The following PXT1 variants were observed in gnomAD, a reference collection of about 807,000 sequenced individuals.
PXT1 encodes peroxisomal testis-specific protein 1.
In PXT1, 11 loss-of-function variants were observed where a neutral mutation model predicts 11.0. That is an observed-to-expected ratio of 1.00 (90% CI 0.63 to 1.66). The LOEUF (loss-of-function observed/expected upper bound fraction) is 1.66, where lower values mean the gene tolerates loss of function less well. Among genes scored for constraint, PXT1 ranks in the 40% most tolerant of loss-of-function variants. The pLI is 0.00. For synonymous variants in PXT1, 43 were observed against 51.4 expected (o/e 0.84, Z 0.70); for missense variants, 141 against 155.5 (o/e 0.91, Z 0.49).
intron 2 of PXT1, among the ~76,000 whole-genome samples, chr6:36,434,394 T>C (rs184951617): frequency 2.6e-5 from 4 of 152,312 alleles, no homozygotes; most frequent in Admixed American, 2.6e-4. Flanking sequence ...CAACTTTTTA[T>C]GTTTGAAATT....
At chr6:36,396,436 G>A (rs939326585) in intron 4 of PXT1, among the ~76,000 whole-genome samples, 2 of 152,234 alleles carry the variant, frequency 1.3e-5, no homozygotes, top group African/African-American at 4.8e-5. Flanking sequence ...GCTCAGGGGT[G>A]TCTGCTGCCA....
rs1157006026 is a variant in PXT1, at chr6:36,438,834, T to G, written c.-77A>C. The G allele has an allele frequency of 6.6e-6, 1 of 152,244 alleles. No individual in the cohort carries two copies. The highest frequency in any genetic ancestry group is 1.5e-5 in the Non-Finnish European group (1 of 68,044). 9.4% of individuals were successfully genotyped at this position (152,244 alleles called of 1,614,324 possible). A position where few individuals can be genotyped will look rare whatever the true frequency, so the allele number is the denominator to read the frequency against. On this transcript the variant is annotated 5_prime_UTR_variant, in exon 2 of 5. Coordinates refer to ENST00000454782, the MANE Select transcript of PXT1 (RefSeq NM_152990.4). ...TGCTTGAGTTAATAAATTGCAAAGTTTCCCTCTTTTGTTTGCTTTGTTTTC... is the reference window on the plus strand; with the variant it reads ...TGCTTGAGTTAATAAATTGCAAAGTGTCCCTCTTTTGTTTGCTTTGTTTTC...
chr6:36,423,886 ACT>A (rs1774562685), intron 3 of PXT1, among the ~76,000 whole-genome samples: 1 of 152,124 alleles, frequency 6.6e-6, no homozygotes, highest in South Asian at 2.1e-4. Context: ...TTGACATATA[ACT>A]CGCGTATGGT....
chr6:36,418,911 A>T (rs1029704524), intron 3 of PXT1, among the ~76,000 whole-genome samples: 2 of 152,044 alleles, frequency 1.3e-5, no homozygotes, highest in African/African-American at 4.8e-5. Flanking sequence ...GGCAGGGGGG[A>T]GATAGTGTGG....
At chr6:36,411,577 C>T (rs888336645) in intron 3 of PXT1, among the ~76,000 whole-genome samples, 1 of 152,156 alleles carries the variant, frequency 6.6e-6, no homozygotes, top group Non-Finnish European at 1.5e-5. Flanking sequence ...TATTACTACC[C>T]ATCTGGGGGA....
intron 4 of PXT1, chr6:36,392,084 C>A: frequency 2.1e-6 from 1 of 477,150 alleles, no homozygotes; most frequent in Non-Finnish European, 3.7e-6. Flanking sequence ...ACATATTTTC[C>A]TATCTGACCG....
At chr6:36,393,674 C>T (rs1420526424) in intron 4 of PXT1, among the ~76,000 whole-genome samples, 2 of 150,854 alleles carry the variant, frequency 1.3e-5, no homozygotes, top group Non-Finnish European at 2.9e-5. Flanking sequence ...GTTGCGGTGA[C>T]AACTTTGTGC....
chr6:36,421,767 C>T (rs1774527842), intron 3 of PXT1, among the ~76,000 whole-genome samples: 1 of 152,166 alleles, frequency 6.6e-6, no homozygotes, highest in Non-Finnish European at 1.5e-5. Flanking sequence ...GCTGCACTAG[C>T]TTAGTTTCTA....
In PXT1 at chr6:36,391,315, G is replaced by A. The variant is rs1388539078; in HGVS notation, c.*455C>T. ...CCGAGAAGGAGAAGCTGGCACTGCA[G>A]ATCTGGACATGAGTGACAAGAGTGG... On this transcript the variant is annotated 3_prime_UTR_variant, in exon 5 of 5. Transcript: ENST00000454782. The A allele has an allele frequency of 6.4e-6, 1 of 155,934 alleles. No homozygotes were observed. The highest frequency in any genetic ancestry group is 1.4e-5 in the Non-Finnish European group (1 of 70,928). 9.7% of individuals were successfully genotyped at this position (155,934 alleles called of 1,614,324 possible).
chr6:36,420,793 T>G (rs1774512788), intron 3 of PXT1, among the ~76,000 whole-genome samples: 1 of 152,120 alleles, frequency 6.6e-6, no homozygotes, highest in Admixed American at 6.5e-5. Context: ...TGACTCACAC[T>G]TGTAATCCCA....
intron 2 of PXT1, among the ~76,000 whole-genome samples, chr6:36,433,410 T>C (rs565739079): frequency 1.3e-5 from 2 of 152,068 alleles, no homozygotes; most frequent in Admixed American, 1.3e-4. Context: ...GAGATTGTTA[T>C]AATTCAGGAA....
chr6:36,429,163 A>T (rs114383459), intron 2 of PXT1, among the ~76,000 whole-genome samples: 3,392 of 133,728 alleles, frequency 0.025, 46 homozygotes, highest in Non-Finnish European at 0.029. Flanking sequence ...CTACTCAGGA[A>T]GCTGAGGTGG....
chr6:36,432,064 C>A (rs1035457186), intron 2 of PXT1, among the ~76,000 whole-genome samples: 1 of 152,042 alleles, frequency 6.6e-6, no homozygotes, highest in East Asian at 1.9e-4. Flanking sequence ...GCGCAAGACT[C>A]GTCTCAACAA....
intron 4 of PXT1, among the ~76,000 whole-genome samples, chr6:36,400,245 C>CCA (rs1311742482): frequency 6.6e-6 from 1 of 152,176 alleles, no homozygotes; most frequent in African/African-American, 2.4e-5. Flanking sequence ...TGCTGCCAGT[C>CCA]CACAGACCAC....
chr6:36,410,229 T>A (rs1774352390), intron 3 of PXT1, among the ~76,000 whole-genome samples: 1 of 151,002 alleles, frequency 6.6e-6, no homozygotes, highest in South Asian at 2.1e-4. Context: ...GGCGGGTGGA[T>A]CACCTGACAT....
chr6:36,440,222 G>A (rs925815923), intron 1 of PXT1, among the ~76,000 whole-genome samples: 3 of 152,182 alleles, frequency 2.0e-5, no homozygotes, highest in Non-Finnish European at 1.5e-5. Flanking sequence ...ATGAGGATTA[G>A]CTTTTTGTAT....
At chr6:36,429,085 G>C (rs904414010) in intron 2 of PXT1, among the ~76,000 whole-genome samples, 1 of 150,876 alleles carries the variant, frequency 6.6e-6, no homozygotes, top group Non-Finnish European at 1.5e-5. Context: ...TGGGCAACAT[G>C]GTGAAATCTG....
In PXT1 at chr6:36,400,449, C is replaced by A. The variant is rs1285302976; in HGVS notation, c.300+5G>T. The A allele has an allele frequency of 1.2e-6, 2 of 1,613,034 alleles. No homozygotes were observed. The highest frequency in any genetic ancestry group is 1.7e-6 in the Non-Finnish European group (2 of 1,179,398). The stretch of plus-strand genomic sequence containing the variant: ...AGGCCCTGGCTGGGGAAACTGAAGC[C>A]TCACCTCTCGAACCATCCTATGATC... On this transcript the variant is annotated splice_donor_5th_base_variant and intron_variant, in intron 4 of 4. Coordinates refer to ENST00000454782, the MANE Select transcript of PXT1 (RefSeq NM_152990.4).
At chr6:36,428,670 C>T (rs1212133242) in intron 2 of PXT1, among the ~76,000 whole-genome samples, 1 of 152,112 alleles carries the variant, frequency 6.6e-6, no homozygotes, top group Non-Finnish European at 1.5e-5. Flanking sequence ...ATTATAATTT[C>T]CCCCAAACAA....
Sources: gnomAD v4.1 joint callset for allele counts (sites outside exome capture counted in the v4.1 genomes callset) on GRCh38, gnomAD v4.1.1 for gene constraint, MANE v1.5 for transcripts, NCBI Gene and HGNC (gene_info 2026-07-23, HGNC 2026-07-21) for gene names.